The following BTBD19 variants were observed in gnomAD, a reference collection of about 807,000 sequenced individuals.
BTBD19 encodes the protein BTB domain containing 19.
A neutral mutation model predicts 36.1 loss-of-function variants in BTBD19; 20 were observed. The ratio of observed to expected loss-of-function variants is 0.55; its 90% CI spans 0.39 to 0.80. The LOEUF (loss-of-function observed/expected upper bound fraction) is 0.80. BTBD19 is among the 30% of genes least tolerant of loss of function. The pLI, the probability that BTBD19 is intolerant of heterozygous loss-of-function variation, is 0.00. For missense variants in BTBD19, 325 were observed against 389.8 expected (o/e 0.83, Z 1.40); for synonymous variants, 157 against 174.3 (o/e 0.90, Z 0.78).
Position 44,813,517 on chromosome 1 carries a change from C to A in BTBD19, c.741+18C>A. 6.5e-7 allele frequency: 1 copy of A among 1,548,654 alleles called. No homozygotes were observed. The highest frequency in any genetic ancestry group is 8.7e-7 in the Non-Finnish European group (1 of 1,145,284). On this transcript the variant is annotated intron_variant, in intron 7 of 7. Coordinates refer to ENST00000450269, the Ensembl canonical transcript of BTBD19. This position sits in a 1 kb window ranked among gnomAD's most constrained non-coding sequence, Gnocchi z 7.8. ...TCATCCCGGTGGGGACGCGGGGAAC[C>A]GGCCCAGCTCCACTCAGCAGGGGGT... is the stretch of plus-strand genomic sequence containing the variant.
Position 44,810,502 on chromosome 1 carries a change from G to T in BTBD19, c.301-52G>T. ...GCAGGAGTTTGCCCATTACACTGTG[G>T]GCACAGGGCAGGGGAAACTCCCTTC... On this transcript the variant is annotated intron_variant, in intron 2 of 7. Transcript: ENST00000450269. This position sits in a 1 kb window ranked among gnomAD's most constrained non-coding sequence, Gnocchi z 4.2. 1 of 1,550,666 alleles carries T rather than the reference G, an allele frequency of 6.4e-7. No homozygotes were observed. Among genetic ancestry groups the T allele is most frequent in the Non-Finnish European group, 8.7e-7 (1 of 1,146,630 alleles).
exon 8 of BTBD19, chr1:44,814,061 C>CT: frequency 1.8e-6 from 1 of 566,880 alleles, no homozygotes; most frequent in Non-Finnish European, 3.2e-6. Context: ...CGCCCTGCCC[C>CT]TGGGCATTGT....
exon 1 of BTBD19, chr1:44,808,699 C>A: frequency 1.5e-6 from 1 of 677,688 alleles, no homozygotes; most frequent in Non-Finnish European, 2.4e-6. Flanking sequence ...TAAACTTCAG[C>A]TTCTCAGCAA....
chr1:44,810,250 G>C lies in BTBD19; in HGVS notation c.124G>C (p.Val42Leu). ...CGTGGTTGGTCAAGAACGGCAGGAG[G>C]TATTTGCCCATCGGTGCTTGTTGGC... Residue 42 changes from valine to leucine, a missense_variant, in exon 2 of 8, where the codon GTA becomes CTA. Physicochemically the swap from Val to Leu is conservative, Grantham distance 32 (BLOSUM62 1). Transcript: ENST00000450269. This position sits in a 1 kb window ranked among gnomAD's most constrained non-coding sequence, Gnocchi z 4.2. The C allele has an allele frequency of 6.4e-7, 1 of 1,551,926 alleles. No homozygotes were observed. Among genetic ancestry groups the C allele is most frequent in the Non-Finnish European group, 8.7e-7 (1 of 1,147,042 alleles).
chr1:44,810,660 A>G lies in BTBD19; in HGVS notation c.354+53A>G. The G allele has an allele frequency of 6.8e-7, 1 of 1,474,178 alleles. No homozygotes were observed. The highest frequency in any genetic ancestry group is 9.1e-7 in the Non-Finnish European group (1 of 1,100,030). 91.3% of individuals were successfully genotyped at this position (1,474,178 alleles called of 1,614,324 possible). A position where few individuals can be genotyped will look rare whatever the true frequency, so the allele number is the denominator to read the frequency against. On this transcript the variant is annotated intron_variant, in intron 3 of 7. Transcript: ENST00000450269. This position sits in a 1 kb window ranked among gnomAD's most constrained non-coding sequence, Gnocchi z 4.2. ...CATTTCCCTTGCTTCTCACGGGCTC[A>G]CTTCCCGCCCTGCCTCACACACACT... is the stretch of plus-strand genomic sequence containing the variant.
intron 3 of BTBD19, chr1:44,811,720 C>G (rs1171672439): frequency 6.9e-6 from 2 of 288,324 alleles, no homozygotes; most frequent in Non-Finnish European, 1.4e-5. Context: ...TAGAAGTATC[C>G]TTGAGTCAGG....
At position 44,813,888 on chromosome 1, in the gene BTBD19, A is replaced by C. The variant is rs1476013958; in HGVS notation, c.*116A>C. ...GCTTCCGTTCCCAGCGTGCCCAGTGAGCCGGGCGCCGGAAGAACCGTTGTC... is the reference window on the plus strand; with the variant it reads ...GCTTCCGTTCCCAGCGTGCCCAGTGCGCCGGGCGCCGGAAGAACCGTTGTC... On this transcript the variant is annotated 3_prime_UTR_variant, in exon 8 of 8. Transcript: ENST00000450269. The surrounding 1 kb of genome is among the most constrained non-coding windows in gnomAD (Gnocchi z 7.8). 9 of 1,447,328 alleles carry C rather than the reference A, an allele frequency of 6.2e-6. No homozygotes were observed. The East Asian group carries it at 2.2e-4, about 36-fold the overall frequency. 89.7% of individuals were successfully genotyped at this position (1,447,328 alleles called of 1,614,324 possible). A position where few individuals can be genotyped will look rare whatever the true frequency, so the allele number is the denominator to read the frequency against.
Position 44,813,375 on chromosome 1 carries a change from C to A in BTBD19, c.617C>A (p.Ala206Glu). The change falls in exon 7 of 8, where the codon GCG (alanine) becomes GAG (glutamate). Residue 206 changes from alanine (A) to glutamate (E), a missense_variant and splice_region_variant. Transcript: ENST00000450269. The surrounding 1 kb of genome is among the most constrained non-coding windows in gnomAD (Gnocchi z 7.8). ...CCGACTCAGGGCTGGCGTTTGCAGG[C>A]GGTGCTGGAGCGGCCGGTGGCTGAG... The A allele has an allele frequency of 1.3e-6, 2 of 1,546,492 alleles. No individual in the cohort carries two copies. The highest frequency in any genetic ancestry group is 1.7e-6 in the Non-Finnish European group (2 of 1,146,620).
At position 44,808,704 on chromosome 1, in the gene BTBD19, C is replaced by G; in HGVS notation, c.-117C>G. ...GCTCCACTCCTAAACTTCAGCTTCT[C>G]AGCAAACAGGCCTCCCAAGTCCCTG... On this transcript the variant is annotated 5_prime_UTR_variant, in exon 1 of 8. The change creates a premature stop within an existing upstream ORF in the 5' untranslated region. Transcript: ENST00000450269. The G allele has an allele frequency of 1.4e-6, 1 of 711,336 alleles. No individual in the cohort carries two copies. The highest frequency in any genetic ancestry group is 2.0e-5 in the South Asian group (1 of 49,148). The allele number at this position is 711,336 out of a possible 1,614,324, so 44.1% of individuals were successfully genotyped here.
chr1:44,814,210 CTT>C (rs869232151), downstream of BTBD19: 209 of 99,612 alleles, frequency 2.1e-3, no homozygotes, highest in East Asian at 6.2e-3. Flanking sequence ...TTCTTTCTTT[CTT>C]TTTCTTTCTT....
intron 4 of BTBD19, chr1:44,812,451 A>G: frequency 2.2e-6 from 1 of 454,854 alleles, no homozygotes. Context: ...CACACCTGTA[A>G]TTTCAGCACT....
chr1:44,814,140 TTTTCTTTC>T, downstream of BTBD19: 1 of 256,138 alleles, frequency 3.9e-6, no homozygotes. Flanking sequence ...TTTCTTTTCT[TTTTCTTTC>T]TCTTTCTTTC....
At position 44,813,128 on chromosome 1, in the gene BTBD19, C is replaced by G; in HGVS notation, c.484-10C>G. On this transcript the variant is annotated splice_polypyrimidine_tract_variant and intron_variant, in intron 5 of 7. Coordinates refer to ENST00000450269, the Ensembl canonical transcript of BTBD19. The surrounding 1 kb of genome is among the most constrained non-coding windows in gnomAD (Gnocchi z 7.8). Reference sequence around the variant, plus strand: ...TTCTGCTCCTCCCTGACCCATTTGCCGGCTCGCAGGAGGCCCTCCGGACCC... The same window carrying G: ...TTCTGCTCCTCCCTGACCCATTTGCGGGCTCGCAGGAGGCCCTCCGGACCC... 1 of 1,544,052 alleles carries G rather than the reference C, an allele frequency of 6.5e-7. No individual in the cohort carries two copies.
At chr1:44,811,176 G>A (rs1217090074) in intron 3 of BTBD19, among the ~76,000 whole-genome samples, 3 of 149,740 alleles carry the variant, frequency 2.0e-5, no homozygotes, top group Admixed American at 6.7e-5. Flanking sequence ...AGCTGAAATC[G>A]TGCCACTGCA....
Position 44,810,777 on chromosome 1 carries a change from G to A in BTBD19, c.354+170G>A, listed in dbSNP as rs1652374652. The A allele has an allele frequency of 1.9e-6, 1 of 513,274 alleles. No individual in the cohort carries two copies. 31.8% of individuals were successfully genotyped at this position (513,274 alleles called of 1,614,324 possible). ...CATGTATGTGTGCCTGTGTGCAAAA[G>A]GATCCATGCATGCCTGCCCTGTGTG... On this transcript the variant is annotated intron_variant, in intron 3 of 7. Coordinates refer to ENST00000450269, the Ensembl canonical transcript of BTBD19. This position sits in a 1 kb window ranked among gnomAD's most constrained non-coding sequence, Gnocchi z 4.2.
At position 44,808,619 on chromosome 1, in the gene BTBD19, T is replaced by C. The variant is rs1652246464; in HGVS notation, c.-202T>C. On this transcript the variant is annotated 5_prime_UTR_variant, in exon 1 of 8. Coordinates refer to ENST00000450269, the Ensembl canonical transcript of BTBD19. ...TCAGCTTCTCCTGGCCCCCTCCCTG[T>C]GTCTGTTCCTGTCCCCGAGCCTCTG... 6 of 425,760 alleles carry C rather than the reference T, an allele frequency of 1.4e-5. No individual in the cohort carries two copies. The South Asian group carries it at 2.8e-4, about 20-fold the overall frequency. The allele number at this position is 425,760 out of a possible 1,614,324, so 26.4% of individuals were successfully genotyped here.
chr1:44,813,504 G>A lies in BTBD19; in HGVS notation c.741+5G>A. On this transcript the variant is annotated splice_donor_5th_base_variant and intron_variant, in intron 7 of 7. Transcript: ENST00000450269. The surrounding 1 kb of genome is among the most constrained non-coding windows in gnomAD (Gnocchi z 7.8). ...CGGCAGGAACCACTCATCCCGGTGG[G>A]GACGCGGGGAACCGGCCCAGCTCCA... is the stretch of plus-strand genomic sequence containing the variant. 1.3e-6 allele frequency: 2 copies of A among 1,550,272 alleles called. No homozygotes were observed. The highest frequency in any genetic ancestry group is 1.7e-6 in the Non-Finnish European group (2 of 1,146,282).
In BTBD19 at chr1:44,813,927, C is replaced by A; in HGVS notation, c.*155C>A. ...AGAACCGTTGTCTGCCACGCGCAGC[C>A]CCTTGTGCGGGATCAAGCCCGTGTG... is the stretch of plus-strand genomic sequence containing the variant. On this transcript the variant is annotated 3_prime_UTR_variant, in exon 8 of 8. Transcript: ENST00000450269. This position sits in a 1 kb window ranked among gnomAD's most constrained non-coding sequence, Gnocchi z 7.8. The A allele has an allele frequency of 8.0e-7, 1 of 1,256,448 alleles. No individual in the cohort carries two copies. Among genetic ancestry groups the A allele is most frequent in the Non-Finnish European group, 1.1e-6 (1 of 904,972 alleles). The allele number at this position is 1,256,448 out of a possible 1,614,324, so 77.8% of individuals were successfully genotyped here. A position where few individuals can be genotyped will look rare whatever the true frequency, so the allele number is the denominator to read the frequency against.
In BTBD19 at chr1:44,813,679, G is replaced by A; in HGVS notation, c.783G>A (p.Arg261=). Residue 261 remains arginine, a synonymous_variant, in exon 8 of 8, where the codon CGG becomes CGA. Coordinates refer to ENST00000450269, the Ensembl canonical transcript of BTBD19. The surrounding 1 kb of genome is among the most constrained non-coding windows in gnomAD (Gnocchi z 7.8). ...AGGCGTGGAAATGCCATGCCCTGCG[G>A]AGAGGGGATGAGGCCCGGGGCGCCC... 6.4e-7 allele frequency: 1 copy of A among 1,551,444 alleles called. No individual in the cohort carries two copies. The highest frequency in any genetic ancestry group is 8.7e-7 in the Non-Finnish European group (1 of 1,146,824).
Sources: allele counts gnomAD v4.1 joint callset (sites outside exome capture counted in the v4.1 genomes callset), GRCh38; gene constraint gnomAD v4.1.1; non-coding constraint Gnocchi (gnomAD v3.1); transcripts MANE v1.5; gene names NCBI Gene and HGNC (gene_info 2026-07-23, HGNC 2026-07-21).